RAPGEF6: variants seen among roughly 807,000 people sequenced by gnomAD.
The protein encoded by RAPGEF6 is Rap guanine nucleotide exchange factor 6, also known as PDZ domain containing guanine nucleotide exchange factor (GEF) 2.
In RAPGEF6, 56 loss-of-function variants were observed where a neutral mutation model predicts 171.4. The ratio of observed to expected loss-of-function variants is 0.33; its 90% CI spans 0.26 to 0.41. The LOEUF is 0.41. Among genes scored for constraint, RAPGEF6 ranks in the 10% least tolerant of loss-of-function variants. RAPGEF6 has a pLI of 1.00. For synonymous variants in RAPGEF6, 692 were observed against 650.1 expected (o/e 1.06, Z -0.98); for missense variants, 1,674 against 1,921.4 (o/e 0.87, Z 2.41).
chr5:131,600,635 G>A (rs1478088309), intron 3 of RAPGEF6, among the ~76,000 whole-genome samples: 11 of 150,450 alleles, frequency 7.3e-5, no homozygotes, highest in African/African-American at 2.7e-4. Context: ...AGGAGAGGAG[G>A]AGGGAGCGAA....
At chr5:131,589,108 A>G (rs1387509739) in intron 4 of RAPGEF6, among the ~76,000 whole-genome samples, 2 of 152,152 alleles carry the variant, frequency 1.3e-5, no homozygotes, top group South Asian at 2.1e-4. Flanking sequence ...AGCAACTAAG[A>G]AAAAGGCAGG....
intron 4 of RAPGEF6, among the ~76,000 whole-genome samples, chr5:131,569,285 C>CA (rs1762131622): frequency 6.6e-6 from 1 of 151,996 alleles, no homozygotes; most frequent in Admixed American, 6.6e-5. Flanking sequence ...TAAAAACGAA[C>CA]AAAGTTGTAA....
At chr5:131,496,355 C>T (rs1185151861) in intron 12 of RAPGEF6, among the ~76,000 whole-genome samples, 4 of 151,820 alleles carry the variant, frequency 2.6e-5, no homozygotes, top group Admixed American at 6.6e-5. Context: ...TTTTTTAAAT[C>T]GTGGTAGAAT....
rs576656861 is a variant in RAPGEF6 at position 131,516,013 on chromosome 5, A to G, written c.627+5377T>C. Among the ~76,000 whole-genome samples the G allele has an allele frequency of 2.6e-3, 387 of 148,028 alleles. 6 individuals carry two copies. Among genetic ancestry groups the G allele is most frequent in the Non-Finnish European group, 2.9e-3 (196 of 67,174 alleles). On this transcript the variant is annotated intron_variant, in intron 7 of 27. Coordinates refer to ENST00000509018, the MANE Select transcript of RAPGEF6 (RefSeq NM_016340.6). ...GTTTAAAAATGATAGTCAAAAGATGATAACAGATTTTGACTAGGACTCAGA... is the reference window on the plus strand; with the variant it reads ...GTTTAAAAATGATAGTCAAAAGATGGTAACAGATTTTGACTAGGACTCAGA...
At chr5:131,542,787 A>C (rs1431262122) in intron 6 of RAPGEF6, among the ~76,000 whole-genome samples, 2 of 152,198 alleles carry the variant, frequency 1.3e-5, no homozygotes, top group Non-Finnish European at 2.9e-5. Context: ...AAGTAAAAGG[A>C]ATTGTATATA....
chr5:131,508,015 G>A, intron 9 of RAPGEF6, 56 bp downstream of exon 9: 19 of 1,362,064 alleles, frequency 1.4e-5, no homozygotes, highest in Non-Finnish European at 1.9e-5. Flanking sequence ...TGGAAATTAA[G>A]TTATTTTAAA....
intron 22 of RAPGEF6, among the ~76,000 whole-genome samples, 182 bp downstream of exon 22, chr5:131,446,301 G>A (rs538941911): frequency 6.6e-6 from 1 of 152,306 alleles, no homozygotes; most frequent in African/African-American, 2.4e-5. Context: ...TTTGGATAGT[G>A]TAGCCATCAG....
At chr5:131,600,884 T>A (rs1265278404) in intron 3 of RAPGEF6, among the ~76,000 whole-genome samples, 7 of 151,846 alleles carry the variant, frequency 4.6e-5, no homozygotes, top group Admixed American at 3.9e-4. Flanking sequence ...TGATTTTTTT[T>A]AAAACAGGAC....
intron 6 of RAPGEF6, among the ~76,000 whole-genome samples, chr5:131,527,742 G>A (rs1043865444): frequency 1.3e-5 from 2 of 152,020 alleles, no homozygotes; most frequent in African/African-American, 2.4e-5. Context: ...GGGGCCAGGC[G>A]CGATGGCTCA....
At chr5:131,482,170 C>G (rs763597569) in intron 15 of RAPGEF6, among the ~76,000 whole-genome samples, 16 of 152,184 alleles carry the variant, frequency 1.1e-4, no homozygotes, top group Non-Finnish European at 2.1e-4. Flanking sequence ...ATGATGGAGA[C>G]TTTTTAGAAG....
At chr5:131,518,065 C>T (rs1438416567) in intron 7 of RAPGEF6, among the ~76,000 whole-genome samples, 1 of 151,964 alleles carries the variant, frequency 6.6e-6, no homozygotes, top group South Asian at 2.1e-4. Flanking sequence ...AAACCCACCA[C>T]TAGTAGAAAA....
At chr5:131,616,775 C>G (rs1765290644) in intron 1 of RAPGEF6, among the ~76,000 whole-genome samples, 1 of 151,896 alleles carries the variant, frequency 6.6e-6, no homozygotes, top group African/African-American at 2.4e-5. Flanking sequence ...CCACCACCCC[C>G]AGCTTTTTTT....
At chr5:131,621,808 A>G (rs1335098765) in intron 1 of RAPGEF6, among the ~76,000 whole-genome samples, 5 of 152,140 alleles carry the variant, frequency 3.3e-5, no homozygotes, top group African/African-American at 9.7e-5. Flanking sequence ...TGGAGGGCCA[A>G]CTGTATCCTA....
chr5:131,461,440 G>T (rs546474443), intron 19 of RAPGEF6, among the ~76,000 whole-genome samples: 3 of 152,162 alleles, frequency 2.0e-5, no homozygotes, highest in African/African-American at 7.2e-5. Context: ...CAAGGCGGGG[G>T]GTTGGAGATG....
At chr5:131,502,217 CAAT>C (rs1351663402) in intron 11 of RAPGEF6, among the ~76,000 whole-genome samples, 1 of 152,154 alleles carries the variant, frequency 6.6e-6, no homozygotes, top group African/African-American at 2.4e-5. Flanking sequence ...TCCTTCAATA[CAAT>C]GAGTTAATAA....
chr5:131,445,352 C>A (rs1561469652), intron 22 of RAPGEF6, among the ~76,000 whole-genome samples: 1 of 152,078 alleles, frequency 6.6e-6, no homozygotes, highest in South Asian at 2.1e-4. Context: ...TTTCTTTTGA[C>A]ATACTTTAAA....
At chr5:131,457,671 T>C (rs183493768) in intron 19 of RAPGEF6, among the ~76,000 whole-genome samples, 1 of 152,292 alleles carries the variant, frequency 6.6e-6, no homozygotes, top group East Asian at 1.9e-4. Context: ...TCCTTGGATG[T>C]GAAACCTGCT....
At chr5:131,543,227 G>T (rs1358222351) in intron 6 of RAPGEF6, among the ~76,000 whole-genome samples, 1 of 152,130 alleles carries the variant, frequency 6.6e-6, no homozygotes. Context: ...AGTGGCAAGG[G>T]TATAGGGGAG....
intron 1 of RAPGEF6, among the ~76,000 whole-genome samples, chr5:131,606,029 C>CAA (rs1168486376): frequency 1.5e-3 from 108 of 70,478 alleles, no homozygotes; most frequent in East Asian, 4.9e-3. Flanking sequence ...GACTCCATCT[C>CAA]AAAAAAAAAA....
Sources: allele counts gnomAD v4.1 joint callset (sites outside exome capture counted in the v4.1 genomes callset), GRCh38; gene constraint gnomAD v4.1.1; transcripts MANE v1.5; gene names NCBI Gene and HGNC (gene_info 2026-07-23, HGNC 2026-07-21).